SELENOK: variants seen among roughly 807,000 people sequenced by gnomAD.
SELENOK encodes selenoprotein K.
A neutral mutation model predicts 17.3 loss-of-function variants in SELENOK; 11 were observed. The observed-to-expected ratio is 0.63, with a 90% CI of 0.40 to 1.05. The LOEUF (loss-of-function observed/expected upper bound fraction) is 1.05, where lower values mean the gene tolerates loss of function less well. Ranked by LOEUF, SELENOK falls within the 50% of genes least tolerant of loss-of-function variation. The pLI is 0.00. For missense variants in SELENOK, 125 were observed against 113.9 expected, an observed-to-expected ratio of 1.10 and a Z score of -0.44; for synonymous variants, 45 against 35.4, an observed-to-expected ratio of 1.27 and a Z score of -0.97.
chr3:53,891,471 A>G (rs1472698390), intron 1 of SELENOK, among the ~76,000 whole-genome samples: 2 of 152,186 alleles, frequency 1.3e-5, no homozygotes, highest in East Asian at 3.9e-4. Flanking sequence ...CCGACACCCG[A>G]GAGAGGAAAG....
At position 53,885,477 on chromosome 3, in the gene SELENOK, C is replaced by G; in HGVS notation, c.*81G>C. Reference sequence around the variant, plus strand: ...ACATACACATTCATCTACTGCTCATCATGGTCAGCCTTCCACTTCTTGATG... The same window carrying G: ...ACATACACATTCATCTACTGCTCATGATGGTCAGCCTTCCACTTCTTGATG... On this transcript the variant is annotated 3_prime_UTR_variant, in exon 5 of 5. Coordinates refer to ENST00000495461, the MANE Select transcript of SELENOK (RefSeq NM_021237.5). 11 of 1,387,070 alleles carry G rather than the reference C, an allele frequency of 7.9e-6. No individual in the cohort carries two copies. Among genetic ancestry groups the G allele is most frequent in the Non-Finnish European group, 1.1e-5 (11 of 988,080 alleles). 85.9% of individuals were successfully genotyped at this position (1,387,070 alleles called of 1,614,324 possible). A position where few individuals can be genotyped will look rare whatever the true frequency, so the allele number is the denominator to read the frequency against.
At chr3:53,891,116 A>G (rs903952061) in intron 1 of SELENOK, 3 of 152,236 alleles carry the variant, frequency 2.0e-5, no homozygotes, top group African/African-American at 7.2e-5. Flanking sequence ...AAAAAATTCC[A>G]TGTTTGACTA....
intron 2 of SELENOK, chr3:53,888,120 T>C (rs1171559784): frequency 3.5e-5 from 9 of 259,566 alleles, no homozygotes; most frequent in Non-Finnish European, 6.5e-5. Flanking sequence ...AGCATCAGAA[T>C]TGACGGACCC....
chr3:53,888,582 A>C, intron 1 of SELENOK, 99 bp from the exon 2 acceptor site: 1 of 840,314 alleles, frequency 1.2e-6, no homozygotes, highest in Non-Finnish European at 2.0e-6. Context: ...TGGGGTTTTA[A>C]CTTGCCCATT....
At chr3:53,890,075 C>T (rs1183601276) in intron 1 of SELENOK, among the ~76,000 whole-genome samples, 1 of 152,182 alleles carries the variant, frequency 6.6e-6, no homozygotes, top group Non-Finnish European at 1.5e-5. Context: ...TGAGGGTTTA[C>T]TTTTCCTCTT....
chr3:53,887,577 A>G lies in SELENOK; in HGVS notation c.111-643T>C, dbSNP rs557646992. On this transcript the variant is annotated intron_variant, in intron 2 of 4. Coordinates refer to ENST00000495461, the MANE Select transcript of SELENOK (RefSeq NM_021237.5). Reference sequence around the variant, plus strand: ...ATATAGCCATAAAATTAAACTTTCTAAACCACAGCTAAGATCAAATTAAGC... The same window carrying G: ...ATATAGCCATAAAATTAAACTTTCTGAACCACAGCTAAGATCAAATTAAGC... Among the ~76,000 whole-genome samples the G allele has an allele frequency of 6.6e-5, 10 of 152,286 alleles. No homozygotes were observed. The South Asian group carries it at 1.9e-3, about 28-fold the overall frequency.
In SELENOK at chr3:53,891,836, CG is replaced by C. The variant is rs1184411256; in HGVS notation, c.-49del. 7 of 1,609,950 alleles carry C rather than the reference CG, an allele frequency of 4.3e-6. No individual in the cohort carries two copies. The East Asian group carries it at 1.1e-4, about 26-fold the overall frequency. On this transcript the variant is annotated 5_prime_UTR_variant, in exon 1 of 5. Transcript: ENST00000495461. ...GAGCCACCGGGCGCCTGGCCCCTGT[CG>C]GTTTCTGTATCTCCCTCTGCTCCCC... is the stretch of plus-strand genomic sequence containing the variant.
intron 4 of SELENOK, 109 bp from the exon 5 acceptor site, chr3:53,885,670 C>G (rs547667166): frequency 3.5e-5 from 46 of 1,299,520 alleles, no homozygotes; most frequent in Non-Finnish European, 4.6e-5. Flanking sequence ...ATTTTGATAA[C>G]AAGGCCAGTG....
Position 53,886,931 on chromosome 3 carries a change from G to A in SELENOK, c.114C>T (p.Phe38=). 1 of 1,554,196 alleles carries A rather than the reference G, an allele frequency of 6.4e-7. No individual in the cohort carries two copies. Among genetic ancestry groups the A allele is most frequent in the Admixed American group, 2.0e-5 (1 of 50,878 alleles). ...TCACATCTTGCTGAAGCAGAGTTTT[G>A]AAACTGAAACAAGGGGCAGAAAACA... The part of the protein sequence containing the change: ...WGIAEFVVLF[F]KTLLQQDVKK... The change falls in exon 3 of 5, where the codon TTC becomes TTT. Residue 38 remains phenylalanine, a synonymous_variant. Coordinates refer to ENST00000495461, the MANE Select transcript of SELENOK (RefSeq NM_021237.5).
intron 1 of SELENOK, among the ~76,000 whole-genome samples, chr3:53,888,700 C>A (rs1559799486): frequency 6.6e-6 from 1 of 152,190 alleles, no homozygotes; most frequent in Non-Finnish European, 1.5e-5. Context: ...TGTCAAAAGC[C>A]TACTGGTTTA....
At chr3:53,886,994 T>G in intron 2 of SELENOK, 60 bp from the exon 3 acceptor site, 1 of 1,322,750 alleles carries the variant, frequency 7.6e-7, no homozygotes, top group Non-Finnish European at 1.0e-6. Flanking sequence ...TAAAATATAT[T>G]TCCATGTTTT....
rs1339849144 is a variant in SELENOK, at chr3:53,885,498, T to C, written c.*60A>G. ...TCATCATGGTCAGCCTTCCACTTCTTGATGGTTTCCTTCTGCTATGAATGC... is the reference window on the plus strand; with the variant it reads ...TCATCATGGTCAGCCTTCCACTTCTCGATGGTTTCCTTCTGCTATGAATGC... On this transcript the variant is annotated 3_prime_UTR_variant, in exon 5 of 5. Transcript: ENST00000495461. 5.1e-6 allele frequency: 8 copies of C among 1,571,042 alleles called. No individual in the cohort carries two copies. In the East Asian group the frequency reaches 1.6e-4, roughly 31 times the overall value.
At chr3:53,890,061 T>C (rs895577378) in intron 1 of SELENOK, among the ~76,000 whole-genome samples, 1 of 152,182 alleles carries the variant, frequency 6.6e-6, no homozygotes, top group African/African-American at 2.4e-5. Context: ...CTCTACCCAC[T>C]CCATGAGGGT....
At chr3:53,891,518 A>G (rs1204617772) in intron 1 of SELENOK, among the ~76,000 whole-genome samples, 1 of 152,150 alleles carries the variant, frequency 6.6e-6, no homozygotes, top group Admixed American at 6.5e-5. Flanking sequence ...CGCTTGCTGC[A>G]CGAAGGCGGG....
chr3:53,885,768 T>C (rs1559798612), intron 4 of SELENOK, 58 bp downstream of exon 4: 8 of 1,377,690 alleles, frequency 5.8e-6, no homozygotes, highest in Non-Finnish European at 7.1e-6. Flanking sequence ...AAGAAAACAT[T>C]ACTACAGAAG....
At position 53,888,233 on chromosome 3, in the gene SELENOK, TTATCACTAACATC is replaced by T. The variant is rs1277601037; in HGVS notation, c.110+147_110+159del. 7.0e-6 allele frequency: 4 copies of T among 570,336 alleles called. No homozygotes were observed. In the East Asian group the frequency reaches 1.2e-4, roughly 17 times the overall value. 35.3% of individuals were successfully genotyped at this position (570,336 alleles called of 1,614,324 possible). On this transcript the variant is annotated intron_variant, in intron 2 of 4. Transcript: ENST00000495461. Reference sequence around the variant, plus strand: ...CATAAGCTATCTGGTGGTAGCAACTTTATCACTAACATCTATTTCCCTGTGTAAAGCTATTTTT... The same window carrying T: ...CATAAGCTATCTGGTGGTAGCAACTTTATTTCCCTGTGTAAAGCTATTTTT...
At position 53,885,841 on chromosome 3, in the gene SELENOK, G is replaced by A; in HGVS notation, c.266C>T (p.Ala89Val). The change falls in exon 4 of 5, where the codon GCT (alanine) becomes GTT (valine). Residue 89 changes from alanine to valine, a missense_variant. Ala to Val is a moderately conservative substitution (Grantham distance 64). Coordinates refer to ENST00000495461, the MANE Select transcript of SELENOK (RefSeq NM_021237.5). ...CTGAAGTTACCTTCCTCATCCACCAGCCATTGGAGGGGGACTAGGGCCACG... is the reference window on the plus strand; with the variant it reads ...CTGAAGTTACCTTCCTCATCCACCAACCATTGGAGGGGGACTAGGGCCACG... The part of the protein sequence containing the change: ...HLRGPSPPPM[A>V]GGUGR The A allele has an allele frequency of 6.3e-7, 1 of 1,590,450 alleles. No homozygotes were observed. Among genetic ancestry groups the A allele is most frequent in the African/African-American group, 1.3e-5 (1 of 74,588 alleles).
chr3:53,887,242 G>A (rs1385299124), intron 2 of SELENOK, among the ~76,000 whole-genome samples: 1 of 152,192 alleles, frequency 6.6e-6, no homozygotes, highest in East Asian at 1.9e-4. Context: ...TTTTTACAGT[G>A]TCTCATGCTC....
At position 53,886,909 on chromosome 3, in the gene SELENOK, C is replaced by T. The variant is rs562733234; in HGVS notation, c.136G>A (p.Val46Met). 15 of 1,568,764 alleles carry T rather than the reference C, an allele frequency of 9.6e-6. No individual in the cohort carries two copies. Among genetic ancestry groups the T allele is most frequent in the Non-Finnish European group, 1.2e-5 (14 of 1,155,204 alleles). The change falls in exon 3 of 5, where the codon GTG (valine) becomes ATG (methionine). Residue 46 changes from valine to methionine, a missense_variant. By Grantham distance (21) the Val-to-Met change is conservative. Transcript: ENST00000495461. Reference sequence around the variant, plus strand: ...TTTCCATAGCTTCTTCTTTTTTTCACATCTTGCTGAAGCAGAGTTTTGAAA... The same window carrying T: ...TTTCCATAGCTTCTTCTTTTTTTCATATCTTGCTGAAGCAGAGTTTTGAAA... ...LFFKTLLQQD[V>M]KKRRSYGNSS...
Sources: allele counts gnomAD v4.1 joint callset (sites outside exome capture counted in the v4.1 genomes callset), GRCh38; gene constraint gnomAD v4.1.1; transcripts MANE v1.5; gene names NCBI Gene and HGNC (gene_info 2026-07-23, HGNC 2026-07-21).